ABAT: variants seen among roughly 807,000 people sequenced by gnomAD.
ABAT encodes 4-aminobutyrate aminotransferase, mitochondrial.
A neutral mutation model predicts 64.6 loss-of-function variants in ABAT; 45 were observed. The observed-to-expected ratio is 0.70, with a 90% CI of 0.55 to 0.89. ABAT has a LOEUF of 0.89. ABAT is among the 40% of genes least tolerant of loss of function. ABAT has a pLI of 0.00. For synonymous variants in ABAT, 297 were observed against 250.5 expected, an observed-to-expected ratio of 1.19 and a Z score of -1.75; for missense variants, 633 against 658.4, an observed-to-expected ratio of 0.96 and a Z score of 0.42.
At chr16:8,751,902 C>G (rs11865147) in intron 5 of ABAT, among the ~76,000 whole-genome samples, 3 of 152,224 alleles carry the variant, frequency 2.0e-5, no homozygotes, top group Non-Finnish European at 4.4e-5. Flanking sequence ...CAGGTAGCTG[C>G]TATTTGCAGC....
chr16:8,776,779 CTG>C lies in ABAT; in HGVS notation c.1269+291_1269+292del, dbSNP rs1345697381. 6.6e-6 allele frequency among the ~76,000 whole-genome samples: 1 copy of C among 152,140 alleles called. No homozygotes were observed. Among genetic ancestry groups the C allele is most frequent in the Non-Finnish European group, 1.5e-5 (1 of 68,036 alleles). ...TTTAATATTGAGACATGGTCAAGCTCTGTTAGCCAGTCCGGCCTTGAACTCCT... is the reference window on the plus strand; with the variant it reads ...TTTAATATTGAGACATGGTCAAGCTCTTAGCCAGTCCGGCCTTGAACTCCT... On this transcript the variant is annotated intron_variant, in intron 14 of 15. Coordinates refer to ENST00000268251, the MANE Select transcript of ABAT (RefSeq NM_020686.6). This position sits in a 1 kb window ranked among gnomAD's most constrained non-coding sequence, Gnocchi z 4.4.
rs564457506 is a variant in ABAT at position 8,784,296 on chromosome 16, C to A, written c.*2866C>A. On this transcript the variant is annotated 3_prime_UTR_variant, in exon 16 of 16. Coordinates refer to ENST00000268251, the MANE Select transcript of ABAT (RefSeq NM_020686.6). ...TGTTTTTTCATAATTTTTACTGACG[C>A]TCAGTAACCATGCAAAATTGTGTAT... is the stretch of plus-strand genomic sequence containing the variant. The A allele has an allele frequency of 6.5e-6, 1 of 152,694 alleles. No individual in the cohort carries two copies. The highest frequency in any genetic ancestry group is 2.1e-4 in the South Asian group (1 of 4,826). 9.5% of individuals were successfully genotyped at this position (152,694 alleles called of 1,614,324 possible).
intron 5 of ABAT, 71 bp downstream of exon 5, chr16:8,750,610 A>G (rs1185306370): frequency 3.5e-6 from 5 of 1,427,822 alleles, no homozygotes; most frequent in South Asian, 1.1e-5. Flanking sequence ...CTATCCAGGT[A>G]TTAGGATGTG....
At chr16:8,682,186 TACACACACACAC>T (rs55951090) in intron 1 of ABAT, among the ~76,000 whole-genome samples, 6 of 131,456 alleles carry the variant, frequency 4.6e-5, no homozygotes, top group Middle Eastern at 3.7e-3. Flanking sequence ...CCTAACAGGA[TACACACACACAC>T]ACACACACAC....
intron 12 of ABAT, among the ~76,000 whole-genome samples, chr16:8,774,630 A>G (rs2060213219): frequency 6.6e-6 from 1 of 152,074 alleles, no homozygotes; most frequent in Non-Finnish European, 1.5e-5. Flanking sequence ...TGCAGGGAGT[A>G]TTTAATGTTC....
chr16:8,750,156 G>T (rs567944559), intron 4 of ABAT, among the ~76,000 whole-genome samples: 1 of 152,308 alleles, frequency 6.6e-6, no homozygotes, highest in African/African-American at 2.4e-5. Flanking sequence ...ATCGACTTCA[G>T]ATTTGTATCT....
chr16:8,735,173 CAAAA>C (rs79765636), intron 1 of ABAT, among the ~76,000 whole-genome samples: 6 of 72,494 alleles, frequency 8.3e-5, no homozygotes, highest in South Asian at 5.5e-4. Flanking sequence ...GACTCCATCT[CAAAA>C]AAAAAAAAAA....
rs184161555 is a variant in ABAT, at chr16:8,680,468, C to G, written c.-42+5757C>G. Among the ~76,000 whole-genome samples, 10 of 152,230 alleles carry G rather than the reference C, an allele frequency of 6.6e-5. No individual in the cohort carries two copies. The East Asian group carries it at 1.3e-3, about 21-fold the overall frequency. On this transcript the variant is annotated intron_variant, in intron 1 of 15. Coordinates refer to ENST00000268251, the MANE Select transcript of ABAT (RefSeq NM_020686.6). ...GCAGGGGGAATCTTGCTCTGTCACC[C>G]AGGCTGGAGTGCAGTGGTGTGATCT... is the stretch of plus-strand genomic sequence containing the variant.
chr16:8,776,654 C>T lies in ABAT; in HGVS notation c.1269+164C>T, dbSNP rs2060273238. Among the ~76,000 whole-genome samples the T allele has an allele frequency of 6.6e-6, 1 of 152,252 alleles. No individual in the cohort carries two copies. Among genetic ancestry groups the T allele is most frequent in the South Asian group, 2.1e-4 (1 of 4,832 alleles). On this transcript the variant is annotated intron_variant, in intron 14 of 15. Transcript: ENST00000268251. The surrounding 1 kb of genome is among the most constrained non-coding windows in gnomAD (Gnocchi z 4.4). ...GGGGGCTTTGCACATGCTGTGTCCT[C>T]TGCAGGGGATGCCTCCCTATCCCTC...
In ABAT at chr16:8,743,441, A is replaced by ATATATATATATATATATATATG. The variant is rs1158084095; in HGVS notation, c.71-2556_71-2555insTATATATATATATATATGTATA. ...GAAACAGTTATATATATATATATATATATACACACATTTTATAATATATTA... is the reference window on the plus strand; with the variant it reads ...GAAACAGTTATATATATATATATATATATATATATATATATATATATGTATACACACATTTTATAATATATTA... On this transcript the variant is annotated intron_variant, in intron 2 of 15. Transcript: ENST00000268251. Among the ~76,000 whole-genome samples the ATATATATATATATATATATATG allele has an allele frequency of 2.9e-3, 258 of 88,980 alleles. 1 individual carries two copies. Among genetic ancestry groups the ATATATATATATATATATATATG allele is most frequent in the African/African-American group, 8.4e-3 (222 of 26,508 alleles). 58.4% of individuals were successfully genotyped at this position (88,980 alleles called of 152,430 possible). A position where few individuals can be genotyped will look rare whatever the true frequency, so the allele number is the denominator to read the frequency against.
intron 1 of ABAT, among the ~76,000 whole-genome samples, chr16:8,706,395 A>T (rs1372538203): frequency 8.7e-6 from 1 of 114,790 alleles, no homozygotes; most frequent in Non-Finnish European, 1.8e-5. Context: ...ACAGAGTGAG[A>T]CCCTGTTTCA....
chr16:8,710,166 C>T (rs926735669), intron 1 of ABAT, among the ~76,000 whole-genome samples: 2 of 152,026 alleles, frequency 1.3e-5, no homozygotes, highest in South Asian at 2.1e-4. Context: ...CAAAAATCCC[C>T]AGCACAAAAG....
chr16:8,748,380 C>T (rs986627838), intron 4 of ABAT, among the ~76,000 whole-genome samples: 3 of 152,106 alleles, frequency 2.0e-5, no homozygotes, highest in African/African-American at 7.2e-5. Flanking sequence ...AGTTTCATTC[C>T]ATTATGGTTG....
intron 1 of ABAT, among the ~76,000 whole-genome samples, chr16:8,734,842 G>A (rs62031062): frequency 0.095 from 14,522 of 152,096 alleles, 789 homozygotes; most frequent in East Asian, 0.25. Context: ...TGGGGAGAGG[G>A]AACAGGGAGC....
chr16:8,687,481 G>A (rs1335623047), intron 1 of ABAT, among the ~76,000 whole-genome samples: 4 of 147,072 alleles, frequency 2.7e-5, no homozygotes, highest in African/African-American at 5.1e-5. Context: ...AGCCGAGATC[G>A]CGCCACCGCA....
chr16:8,776,280 GGTAA>G lies in ABAT; in HGVS notation c.1123-61_1123-58del. On this transcript the variant is annotated intron_variant, in intron 13 of 15. Coordinates refer to ENST00000268251, the MANE Select transcript of ABAT (RefSeq NM_020686.6). This position sits in a 1 kb window ranked among gnomAD's most constrained non-coding sequence, Gnocchi z 4.4. ...TCAAGAGAGGAGGCGGGGCGCCTGG[GGTAA>G]GTGACTCCTGCAGGGTGTGCATGTG... The G allele has an allele frequency of 6.2e-7, 1 of 1,611,776 alleles. No homozygotes were observed. Among genetic ancestry groups the G allele is most frequent in the Middle Eastern group, 1.7e-4 (1 of 6,036 alleles).
chr16:8,771,571 C>T (rs1488069590), intron 11 of ABAT, among the ~76,000 whole-genome samples: 4 of 150,922 alleles, frequency 2.7e-5, no homozygotes, highest in Non-Finnish European at 5.9e-5. Flanking sequence ...TGGGTTCAAG[C>T]GATTCTCGTG....
intron 1 of ABAT, among the ~76,000 whole-genome samples, chr16:8,724,927 T>TTTTTC (rs1567286962): frequency 1.3e-4 from 8 of 61,406 alleles, no homozygotes; most frequent in African/African-American, 4.5e-4. Context: ...TTTCTTTTTT[T>TTTTTC]TTTTTTTGAG....
chr16:8,717,700 T>C (rs531393007), intron 1 of ABAT, among the ~76,000 whole-genome samples: 1 of 152,366 alleles, frequency 6.6e-6, no homozygotes, highest in East Asian at 1.9e-4. Context: ...CTGATTTTTA[T>C]ACCCAGTGAG....
Sources: allele counts gnomAD v4.1 joint callset (sites outside exome capture counted in the v4.1 genomes callset), GRCh38; gene constraint gnomAD v4.1.1; non-coding constraint Gnocchi (gnomAD v3.1); transcripts MANE v1.5; gene names NCBI Gene and HGNC (gene_info 2026-07-23, HGNC 2026-07-21).